The following IFT140 variants were observed in gnomAD, a reference collection of about 807,000 sequenced individuals.
IFT140 encodes intraflagellar transport 140.
Under a neutral mutation model 164.6 loss-of-function variants are expected in IFT140, and 133 were observed. The observed-to-expected ratio is 0.81, with a 90% confidence interval of 0.70 to 0.93. The LOEUF (loss-of-function observed/expected upper bound fraction) is 0.93, where lower values mean the gene tolerates loss of function less well. Ranked by LOEUF, IFT140 falls within the 40% of genes least tolerant of loss-of-function variation. The pLI, the probability that IFT140 is intolerant of heterozygous loss-of-function variation, is 0.00. For synonymous variants in IFT140, 860 were observed against 817.3 expected, an observed-to-expected ratio of 1.05 and a Z score of -0.89; for missense variants, 2,045 against 1,972.3, an observed-to-expected ratio of 1.04 and a Z score of -0.70.
At chr16:1,528,412 G>T (rs1025297747) in intron 19 of IFT140, among the ~76,000 whole-genome samples, 1 of 137,162 alleles carries the variant, frequency 7.3e-6, no homozygotes, top group Non-Finnish European at 1.5e-5. Flanking sequence ...CACACACATG[G>T]ACGCACATGC....
intron 4 of IFT140, among the ~76,000 whole-genome samples, chr16:1,595,307 A>G (rs2035403849): frequency 6.6e-6 from 1 of 150,608 alleles, no homozygotes; most frequent in African/African-American, 2.5e-5. Flanking sequence ...AAACAAACAA[A>G]CAAATAAATA....
chr16:1,605,930 C>G (rs565754294), intron 3 of IFT140, among the ~76,000 whole-genome samples: 76 of 152,280 alleles, frequency 5.0e-4, no homozygotes, highest in Non-Finnish European at 6.2e-4. Flanking sequence ...GTTACATATG[C>G]CTGATGTCCT....
intron 19 of IFT140, among the ~76,000 whole-genome samples, chr16:1,549,766 A>C (rs1399380686): frequency 6.6e-6 from 1 of 151,976 alleles, no homozygotes; most frequent in East Asian, 1.9e-4. Flanking sequence ...ACAGCTTTCT[A>C]GACTCATGAC....
At chr16:1,565,124 C>T (rs1278419806) in intron 16 of IFT140, among the ~76,000 whole-genome samples, 1 of 152,148 alleles carries the variant, frequency 6.6e-6, no homozygotes, top group Admixed American at 6.5e-5. Context: ...GGGGAAGCCA[C>T]ACACGGCAGG....
intron 19 of IFT140, 57 bp downstream of exon 19, chr16:1,557,878 A>T (rs1051348500): frequency 6.5e-7 from 1 of 1,535,090 alleles, no homozygotes; most frequent in Admixed American, 1.7e-5. Context: ...ACAGGGAGAA[A>T]GGAAAGAGCC....
intron 29 of IFT140, among the ~76,000 whole-genome samples, chr16:1,519,627 T>C (rs1300537124): frequency 6.6e-6 from 1 of 152,088 alleles, no homozygotes; most frequent in Non-Finnish European, 1.5e-5. Context: ...CTGCTCCACA[T>C]CTGCCTCCTC....
At chr16:1,602,248 C>T in intron 4 of IFT140, 122 bp downstream of exon 4, 1 of 879,100 alleles carries the variant, frequency 1.1e-6, no homozygotes, top group Non-Finnish European at 1.8e-6. Context: ...TCTACAATTG[C>T]ATCTGACAAG....
intron 19 of IFT140, among the ~76,000 whole-genome samples, chr16:1,546,946 G>C (rs928692419): frequency 6.6e-6 from 1 of 152,254 alleles, no homozygotes. Context: ...GGTCAAGCCA[G>C]TGAAGTCCCC....
intron 19 of IFT140, among the ~76,000 whole-genome samples, chr16:1,555,760 C>G (rs760023091): frequency 3.9e-5 from 6 of 152,144 alleles, no homozygotes; most frequent in Non-Finnish European, 2.9e-5. Context: ...CTTACAGACT[C>G]TCTGATCAAC....
chr16:1,604,091 T>C (rs1370645577), intron 3 of IFT140, among the ~76,000 whole-genome samples: 1 of 152,268 alleles, frequency 6.6e-6, no homozygotes, highest in African/African-American at 2.4e-5. Flanking sequence ...ATATCCCATT[T>C]ACCATATATG....
At chr16:1,512,752 C>T (rs1388194800) in intron 30 of IFT140, among the ~76,000 whole-genome samples, 8 of 152,132 alleles carry the variant, frequency 5.3e-5, no homozygotes, top group East Asian at 1.9e-4. Flanking sequence ...ATTGTGCCAC[C>T]GCACTCCAGC....
intron 2 of IFT140, among the ~76,000 whole-genome samples, chr16:1,609,358 C>T (rs530171259): frequency 5.4e-4 from 82 of 152,326 alleles, no homozygotes; most frequent in African/African-American, 1.7e-3. Flanking sequence ...AGGTTCCCCC[C>T]GGCTTTGGGT....
chr16:1,543,135 G>C (rs1033114193), intron 19 of IFT140, among the ~76,000 whole-genome samples: 1 of 152,266 alleles, frequency 6.6e-6, no homozygotes, highest in Non-Finnish European at 1.5e-5. Flanking sequence ...CAGGGACACA[G>C]AGAAAGCGAG....
At position 1,555,049 on chromosome 16, in the gene IFT140, C is replaced by T. The variant is rs200066351; in HGVS notation, c.2399+2886G>A. The stretch of plus-strand genomic sequence containing the variant: ...TGAGTCGCCCTTCTCAGCGCTCCAT[C>T]AACGCACACCTGCTATCGTGGAACA... On this transcript the variant is annotated intron_variant, in intron 19 of 30. Transcript: ENST00000426508. 2.5e-5 allele frequency: 40 copies of T among 1,593,008 alleles called. No homozygotes were observed. The African/African-American group carries it at 4.3e-4, about 17-fold the overall frequency.
Position 1,551,202 on chromosome 16 carries a change from G to A in IFT140, c.2399+6733C>T, listed in dbSNP as rs2032605013. On this transcript the variant is annotated intron_variant, in intron 19 of 30. Coordinates refer to ENST00000426508, the MANE Select transcript of IFT140 (RefSeq NM_014714.4). The surrounding 1 kb of genome is among the most constrained non-coding windows in gnomAD (Gnocchi z 4.0). ...GAAGCTGTGGTCAATGGTGGGGCAA[G>A]TTCTGGCCCCGGGGAGCCTGCCCTG... is the stretch of plus-strand genomic sequence containing the variant. 6.6e-6 allele frequency among the ~76,000 whole-genome samples: 1 copy of A among 152,268 alleles called. No individual in the cohort carries two copies. Among genetic ancestry groups the A allele is most frequent in the Non-Finnish European group, 1.5e-5 (1 of 68,050 alleles).
At chr16:1,537,326 G>A (rs564311472) in intron 19 of IFT140, among the ~76,000 whole-genome samples, 1 of 152,366 alleles carries the variant, frequency 6.6e-6, no homozygotes, top group East Asian at 1.9e-4. Flanking sequence ...TCTCCGGACG[G>A]CTCTGTGCCC....
intron 18 of IFT140, among the ~76,000 whole-genome samples, chr16:1,561,402 C>A (rs1029701034): frequency 1.3e-5 from 2 of 152,162 alleles, no homozygotes; most frequent in African/African-American, 4.8e-5. Flanking sequence ...GATGACGATC[C>A]CATTCTCTCA....
intron 18 of IFT140, among the ~76,000 whole-genome samples, chr16:1,559,205 C>T (rs533023713): frequency 1.3e-3 from 202 of 152,318 alleles, no homozygotes; most frequent in African/African-American, 4.6e-3. Flanking sequence ...AAAACGTACA[C>T]GCACAAAAAC....
chr16:1,584,327 C>T lies in IFT140; in HGVS notation c.1249G>A (p.Val417Met). 1.9e-6 allele frequency: 3 copies of T among 1,613,684 alleles called. No individual in the cohort carries two copies. Among genetic ancestry groups the T allele is most frequent in the Non-Finnish European group, 2.5e-6 (3 of 1,179,978 alleles). The change falls in exon 11 of 31, where the codon GTG becomes ATG. Residue 417 changes from valine (V) to methionine (M), a missense_variant. By Grantham distance (21) the Val-to-Met change is conservative. Coordinates refer to ENST00000426508, the MANE Select transcript of IFT140 (RefSeq NM_014714.4). ...RAMSSHFHQQ[V>M]AAMQVSPSLL... is the part of the protein sequence containing the mutation. ...CTCGGGGAGACCTGCATGGCGGCCA[C>T]TTGCTGGTGGAAGTGTGACGACATG...
Sources: allele counts gnomAD v4.1 joint callset (sites outside exome capture counted in the v4.1 genomes callset), GRCh38; gene constraint gnomAD v4.1.1; non-coding constraint Gnocchi (gnomAD v3.1); transcripts MANE v1.5; gene names NCBI Gene and HGNC (gene_info 2026-07-23, HGNC 2026-07-21).